Variants in ELP6 observed in about 807,000 individuals in gnomAD.
ELP6 encodes the protein elongator acetyltransferase complex subunit 6, also known as elongator complex protein 6.
In ELP6, 23 loss-of-function variants were observed where a neutral mutation model predicts 28.1. The ratio of observed to expected loss-of-function variants is 0.82; its 90% CI spans 0.59 to 1.16. The LOEUF is 1.16. ELP6 is among the 50% of genes most tolerant of loss of function. The pLI, the probability that ELP6 is intolerant of heterozygous loss-of-function variation, is 0.00. For synonymous variants in ELP6, 132 were observed against 135.8 expected, an observed-to-expected ratio of 0.97 and a Z score of 0.19; for missense variants, 313 against 334.6, an observed-to-expected ratio of 0.94 and a Z score of 0.50.
rs1032982993 is a variant in ELP6, at chr3:47,498,707, A to G, written c.526-275T>C. Reference sequence around the variant, plus strand: ...CTTCAAAATTAGCTCAATCTCCTGAATTCCTGAATGTTACTAAAAGTGTCA... The same window carrying G: ...CTTCAAAATTAGCTCAATCTCCTGAGTTCCTGAATGTTACTAAAAGTGTCA... On this transcript the variant is annotated intron_variant, in intron 5 of 6. Transcript: ENST00000296149. 3.0e-6 allele frequency: 3 copies of G among 985,316 alleles called. No individual in the cohort carries two copies. The African/African-American group carries it at 5.2e-5, about 17-fold the overall frequency. The allele number at this position is 985,316 out of a possible 1,614,324, so 61.0% of individuals were successfully genotyped here. A position where few individuals can be genotyped will look rare whatever the true frequency, so the allele number is the denominator to read the frequency against.
At chr3:47,503,143 C>A in intron 4 of ELP6, 2 of 1,145,018 alleles carry the variant, frequency 1.7e-6, no homozygotes, top group Non-Finnish European at 2.2e-6. Context: ...GAGGTATAAC[C>A]AGCCCCTGCC....
intron 3 of ELP6, among the ~76,000 whole-genome samples, chr3:47,505,789 C>T (rs1042217309): frequency 1.3e-5 from 2 of 152,292 alleles, no homozygotes; most frequent in African/African-American, 4.8e-5. Flanking sequence ...TCAGCCTGGT[C>T]TTGAACTCCT....
chr3:47,513,648 G>C lies in ELP6; in HGVS notation c.-58C>G. 6.2e-7 allele frequency: 1 copy of C among 1,606,952 alleles called. No individual in the cohort carries two copies. The highest frequency in any genetic ancestry group is 1.1e-5 in the South Asian group (1 of 90,510). On this transcript the variant is annotated 5_prime_UTR_variant, in exon 1 of 7. Transcript: ENST00000296149. ...AACCCGGAGTGCTGCAGAGACGACG[G>C]AGGCTGGAGAGCAAAACACACCCGA...
intron 4 of ELP6, chr3:47,503,562 C>T (rs897189666): frequency 1.1e-5 from 6 of 544,654 alleles, no homozygotes; most frequent in Non-Finnish European, 1.4e-5. Flanking sequence ...AACAAATGAA[C>T]GTGGCTGTAT....
chr3:47,506,687 C>T (rs2108113803), intron 3 of ELP6, among the ~76,000 whole-genome samples: 1 of 152,132 alleles, frequency 6.6e-6, no homozygotes, highest in South Asian at 2.1e-4. Flanking sequence ...TTCAAGGTGC[C>T]CAGATTTCAT....
chr3:47,512,451 CT>C (rs1347902297), intron 1 of ELP6, among the ~76,000 whole-genome samples: 1 of 152,170 alleles, frequency 6.6e-6, no homozygotes, highest in African/African-American at 2.4e-5. Flanking sequence ...ACTTGGGAGG[CT>C]GAATAAGGAG....
intron 6 of ELP6, 193 bp downstream of exon 6, chr3:47,498,093 C>G: frequency 2.9e-6 from 4 of 1,371,278 alleles, no homozygotes; most frequent in Non-Finnish European, 3.9e-6. Flanking sequence ...CCATGGAAAA[C>G]GTGGGCTGGT....
chr3:47,504,017 T>C (rs927332088), intron 4 of ELP6, among the ~76,000 whole-genome samples: 18 of 152,338 alleles, frequency 1.2e-4, no homozygotes, highest in African/African-American at 4.1e-4. Context: ...TAGTTTGCCA[T>C]TGCAGTCTCC....
chr3:47,500,650 C>T (rs1281149080), intron 5 of ELP6, among the ~76,000 whole-genome samples: 1 of 152,174 alleles, frequency 6.6e-6, no homozygotes, highest in Non-Finnish European at 1.5e-5. Context: ...ACTGTCACCC[C>T]CTAATCCTAA....
intron 6 of ELP6, chr3:47,496,724 C>T: frequency 1.1e-6 from 1 of 915,658 alleles, no homozygotes; most frequent in South Asian, 5.0e-5. Context: ...GGAACTCTGA[C>T]CTCAGGTGAT....
intron 3 of ELP6, among the ~76,000 whole-genome samples, chr3:47,509,482 A>G (rs879568572): frequency 5.3e-5 from 8 of 152,220 alleles, no homozygotes; most frequent in Admixed American, 3.3e-4. Context: ...GGTGAGGGGC[A>G]GGAAACGAAA....
intron 3 of ELP6, 69 bp downstream of exon 3, chr3:47,510,115 C>T: frequency 7.8e-7 from 1 of 1,278,816 alleles, no homozygotes. Flanking sequence ...ACAGGAAAGC[C>T]AAGCTTTAGA....
At chr3:47,511,847 C>G (rs1709025858) in intron 1 of ELP6, 1 of 985,746 alleles carries the variant, frequency 1.0e-6, no homozygotes, top group South Asian at 4.7e-5. Context: ...CTGTCAGTGA[C>G]AGGGAAGGTC....
chr3:47,505,460 A>C (rs2108106781), intron 3 of ELP6, among the ~76,000 whole-genome samples: 1 of 152,174 alleles, frequency 6.6e-6, no homozygotes, highest in African/African-American at 2.4e-5. Context: ...GCTGGAGTGC[A>C]GTGACGCAAT....
At position 47,498,359 on chromosome 3, in the gene ELP6, A is replaced by C; in HGVS notation, c.599T>G (p.Leu200Arg). ...CAGTATCAGATGGCTCTGATGACTG[A>C]GGCCATTCAGCAGGATGTCATTCTC... ...DEENDILLNG[L>R]SHQSHLILRA... The change falls in exon 6 of 7, where the codon CTC becomes CGC. Residue 200 changes from leucine (L) to arginine (R), a missense_variant. By Grantham distance (102) the Leu-to-Arg change is moderately radical. Coordinates refer to ENST00000296149, the MANE Select transcript of ELP6 (RefSeq NM_001031703.3). 6.2e-7 allele frequency: 1 copy of C among 1,613,830 alleles called. No homozygotes were observed. Among genetic ancestry groups the C allele is most frequent in the Non-Finnish European group, 8.5e-7 (1 of 1,180,042 alleles).
At chr3:47,502,790 T>A (rs557235483) in intron 4 of ELP6, among the ~76,000 whole-genome samples, 37 of 151,772 alleles carry the variant, frequency 2.4e-4, no homozygotes, top group African/African-American at 8.7e-4. Context: ...CAGTGAGCCA[T>A]GTTTGCACCA....
chr3:47,500,020 T>G (rs1003557388), intron 5 of ELP6: 20 of 1,300,524 alleles, frequency 1.5e-5, no homozygotes, highest in Middle Eastern at 2.8e-4. Flanking sequence ...TGTGGCTAGC[T>G]GGAGGCTCTC....
At chr3:47,511,442 G>T (rs1709014833) in intron 1 of ELP6, 1 of 1,361,590 alleles carries the variant, frequency 7.3e-7, no homozygotes, top group South Asian at 1.7e-5. Flanking sequence ...CTCATGATAG[G>T]CAAGCATATC....
chr3:47,511,531 C>A lies in ELP6; in HGVS notation c.55-305G>T, dbSNP rs528868901. 31 of 957,960 alleles carry A rather than the reference C, an allele frequency of 3.2e-5. No homozygotes were observed. In the African/African-American group the frequency reaches 5.1e-4, roughly 16 times the overall value. The allele number at this position is 957,960 out of a possible 1,614,324, so 59.3% of individuals were successfully genotyped here. A position where few individuals can be genotyped will look rare whatever the true frequency, so the allele number is the denominator to read the frequency against. ...CTTCTCATGTTAGTCACTCAGGAAC[C>A]AGTCTTAGGAAGAATTGGATCCTGA... On this transcript the variant is annotated intron_variant, in intron 1 of 6. Transcript: ENST00000296149.
Sources: allele counts gnomAD v4.1 joint callset (sites outside exome capture counted in the v4.1 genomes callset), GRCh38; gene constraint gnomAD v4.1.1; transcripts MANE v1.5; gene names NCBI Gene and HGNC (gene_info 2026-07-23, HGNC 2026-07-21).